GNPTAB: variants seen among roughly 807,000 people sequenced by gnomAD.
GNPTAB encodes the protein N-acetylglucosamine-1-phosphotransferase subunits alpha/beta.
GNPTAB carries 92 observed loss-of-function variants against 136.6 expected under a neutral mutation model. The ratio of observed to expected loss-of-function variants is 0.67; its 90% CI spans 0.57 to 0.80. GNPTAB has a LOEUF of 0.80. Among genes scored for constraint, GNPTAB ranks in the 30% least tolerant of loss-of-function variants. GNPTAB has a pLI of 0.00. For synonymous variants in GNPTAB, 512 were observed against 535.1 expected (o/e 0.96, Z 0.60); for missense variants, 1,343 against 1,501.8 (o/e 0.89, Z 1.75).
At chr12:101,776,618 T>C (rs928230936) in intron 7 of GNPTAB, among the ~76,000 whole-genome samples, 2 of 152,230 alleles carry the variant, frequency 1.3e-5, no homozygotes, top group Non-Finnish European at 2.9e-5. Context: ...CCTAGTTGTG[T>C]ATATACAACA....
intron 1 of GNPTAB, among the ~76,000 whole-genome samples, chr12:101,820,400 C>T (rs922949508): frequency 1.3e-5 from 2 of 152,144 alleles, no homozygotes; most frequent in African/African-American, 4.8e-5. Flanking sequence ...CTTCCTATGT[C>T]CTTCCACTGA....
chr12:101,746,683 T>G lies in GNPTAB; in HGVS notation c.*481A>C, dbSNP rs542049032. On this transcript the variant is annotated 3_prime_UTR_variant, in exon 21 of 21. Transcript: ENST00000299314. ...ATAAAAATAGGTTTAGACATCCCAA[T>G]TCGTTATACTCAGAAGCAAGAATAA... 1.2e-4 allele frequency: 19 copies of G among 159,490 alleles called. No homozygotes were observed. Among genetic ancestry groups the G allele is most frequent in the African/African-American group, 4.6e-4 (19 of 41,468 alleles). 9.9% of individuals were successfully genotyped at this position (159,490 alleles called of 1,614,324 possible). A position where few individuals can be genotyped will look rare whatever the true frequency, so the allele number is the denominator to read the frequency against.
Position 101,763,405 on chromosome 12 carries a change from C to G in GNPTAB, c.2715+797G>C, listed in dbSNP as rs543267752. Among the ~76,000 whole-genome samples the G allele has an allele frequency of 2.3e-4, 35 of 152,110 alleles. No individual in the cohort carries two copies. In the South Asian group the frequency reaches 7.3e-3, roughly 32 times the overall value. ...CACTCTCTTTTCTCCCAGCCTAACA[C>G]CCACTCGTGGCTGTGTGCCTTCACT... On this transcript the variant is annotated intron_variant, in intron 13 of 20. Coordinates refer to ENST00000299314, the MANE Select transcript of GNPTAB (RefSeq NM_024312.5).
At chr12:101,787,077 C>T (rs1868696926) in intron 4 of GNPTAB, among the ~76,000 whole-genome samples, 1 of 152,106 alleles carries the variant, frequency 6.6e-6, no homozygotes, top group Non-Finnish European at 1.5e-5. Flanking sequence ...TATTCAGAAC[C>T]ATAAAAACAT....
chr12:101,828,391 C>CGTG (rs1871209146), intron 1 of GNPTAB, among the ~76,000 whole-genome samples: 1 of 152,178 alleles, frequency 6.6e-6, no homozygotes, highest in South Asian at 2.1e-4. Flanking sequence ...TTAGGCTGGT[C>CGTG]GTGGTGGCTC....
intron 7 of GNPTAB, among the ~76,000 whole-genome samples, chr12:101,774,882 T>C (rs1953236858): frequency 6.6e-6 from 1 of 152,214 alleles, no homozygotes; most frequent in African/African-American, 2.4e-5. Context: ...AAGGTATCCT[T>C]TTGAGGCAGA....
At position 101,780,309 on chromosome 12, in the gene GNPTAB, A is replaced by C. The variant is rs145779502; in HGVS notation, c.637-23T>G. 1.8e-4 allele frequency: 290 copies of C among 1,612,958 alleles called. No individual in the cohort carries two copies. In the African/African-American group the frequency reaches 3.4e-3, roughly 19 times the overall value. On this transcript the variant is annotated intron_variant, in intron 6 of 20. Transcript: ENST00000299314. ...TGTCTAAAATAAGGGGAAAAACATA[A>C]CTCATTTTCCACATCATGAGGCTGG...
At chr12:101,813,118 C>T (rs1453486112) in intron 1 of GNPTAB, among the ~76,000 whole-genome samples, 1 of 152,062 alleles carries the variant, frequency 6.6e-6, no homozygotes, top group Non-Finnish European at 1.5e-5. Flanking sequence ...CAGGCATGAG[C>T]CACCACACCC....
At chr12:101,753,080 C>G (rs1337674269) in intron 19 of GNPTAB, among the ~76,000 whole-genome samples, 1 of 151,968 alleles carries the variant, frequency 6.6e-6, no homozygotes, top group African/African-American at 2.4e-5. Context: ...TGGTGAAACT[C>G]TGTTTCTACT....
At chr12:101,821,607 AGAG>A (rs936855703) in intron 1 of GNPTAB, among the ~76,000 whole-genome samples, 1 of 152,196 alleles carries the variant, frequency 6.6e-6, no homozygotes, top group Non-Finnish European at 1.5e-5. Flanking sequence ...GGTGGCGATC[AGAG>A]GAGGTTTTCA....
intron 5 of GNPTAB, among the ~76,000 whole-genome samples, chr12:101,781,151 A>C (rs1461609144): frequency 6.6e-6 from 1 of 152,174 alleles, no homozygotes; most frequent in Non-Finnish European, 1.5e-5. Flanking sequence ...ATGGAGCATC[A>C]TAAGTCACAG....
In GNPTAB at chr12:101,788,567, T is replaced by A. The variant is rs147628724; in HGVS notation, c.346A>T (p.Thr116Ser). ...GCTTACCTCTTCTTAGTAGGTTCCG[T>A]TGTGTTTTTCCCAAGGATTTCTCTA... ...AMREILGKNTTEPTKKSEKQL... is the reference protein window; with the variant it reads ...AMREILGKNTSEPTKKSEKQL... The change falls in exon 4 of 21, where the codon ACG (threonine) becomes TCG (serine). Residue 116 changes from threonine (T) to serine (S), a missense_variant. By Grantham distance (58) the Thr-to-Ser change is moderately conservative. Transcript: ENST00000299314. 1.9e-6 allele frequency: 3 copies of A among 1,567,654 alleles called. No individual in the cohort carries two copies. Among genetic ancestry groups the A allele is most frequent in the African/African-American group, 2.7e-5 (2 of 74,092 alleles).
At chr12:101,762,718 T>TAA (rs1327937472) in intron 13 of GNPTAB, among the ~76,000 whole-genome samples, 2 of 152,090 alleles carry the variant, frequency 1.3e-5, no homozygotes, top group East Asian at 3.9e-4. Flanking sequence ...TCTCTATATA[T>TAA]AACTATACAT....
intron 12 of GNPTAB, 157 bp downstream of exon 12, chr12:101,765,934 A>G: frequency 1.4e-6 from 1 of 707,838 alleles, no homozygotes; most frequent in Non-Finnish European, 2.5e-6. Context: ...TCAGTGATTT[A>G]TGTTGTTCTC....
At chr12:101,763,145 C>T (rs1456500946) in intron 13 of GNPTAB, among the ~76,000 whole-genome samples, 1 of 150,774 alleles carries the variant, frequency 6.6e-6, no homozygotes, top group African/African-American at 2.4e-5. Flanking sequence ...TCTCTTGAAC[C>T]TGGGAGGCAA....
At chr12:101,773,553 G>A (rs1953214931) in intron 7 of GNPTAB, 1 of 161,936 alleles carries the variant, frequency 6.2e-6, no homozygotes, top group African/African-American at 2.4e-5. Context: ...TGTTTGATAA[G>A]AAGGTATATC....
intron 4 of GNPTAB, among the ~76,000 whole-genome samples, chr12:101,787,385 C>T (rs1459887451): frequency 2.6e-5 from 4 of 151,972 alleles, no homozygotes; most frequent in Admixed American, 6.6e-5. Context: ...TACAAAACTG[C>T]CCACAGATTA....
intron 1 of GNPTAB, among the ~76,000 whole-genome samples, chr12:101,817,598 A>G (rs540220811): frequency 6.6e-6 from 1 of 152,252 alleles, no homozygotes; most frequent in African/African-American, 2.4e-5. Context: ...CATGTATAAA[A>G]ATATCACATG....
At chr12:101,777,177 T>A (rs1953273146) in intron 7 of GNPTAB, among the ~76,000 whole-genome samples, 1 of 152,250 alleles carries the variant, frequency 6.6e-6, no homozygotes, top group South Asian at 2.1e-4. Flanking sequence ...TTCTCTCAGA[T>A]GCTTCTGGAA....
Sources: gnomAD v4.1 joint callset for allele counts (sites outside exome capture counted in the v4.1 genomes callset) on GRCh38, gnomAD v4.1.1 for gene constraint, MANE v1.5 for transcripts, NCBI Gene and HGNC (gene_info 2026-07-23, HGNC 2026-07-21) for gene names.